Variants in ARHGAP6 observed in about 807,000 individuals in gnomAD.
The protein encoded by ARHGAP6 is rho GTPase-activating protein 6.
A neutral mutation model predicts 55.7 loss-of-function variants in ARHGAP6; 16 were observed. The observed-to-expected ratio is 0.29, with a 90% CI of 0.19 to 0.44. The LOEUF is 0.44. Ranked by LOEUF, ARHGAP6 falls within the 20% of genes least tolerant of loss-of-function variation. The pLI is 1.00. For synonymous variants in ARHGAP6, 382 were observed against 360.9 expected (o/e 1.06, Z -0.66); for missense variants, 698 against 808.9 (o/e 0.86, Z 1.66).
At chrX:11,428,346 C>A (rs112910357) in intron 1 of ARHGAP6, among the ~76,000 whole-genome samples, 1 of 111,621 alleles carries the variant, frequency 9.0e-6, no homozygotes, top group East Asian at 2.8e-4. Context: ...TAGGGTGACC[C>A]GAGTTCCAGG....
intron 1 of ARHGAP6, chrX:11,335,239 T>C (rs2048616698): frequency 1.6e-5 from 2 of 127,243 alleles, no homozygotes; most frequent in Non-Finnish European, 3.4e-5. Flanking sequence ...TTTTTTATTA[T>C]ATTTTAAGTT....
rs1228659283 is a variant in ARHGAP6, at chrX:11,303,059, C to G, written c.589-48352G>C. On this transcript the variant is annotated intron_variant, in intron 1 of 12. Transcript: ENST00000337414. Reference sequence around the variant, plus strand: ...TTGGGAAAAAATAACCCAAGAGATCCTAGTATGAACAGCTTAACATGAGAC... The same window carrying G: ...TTGGGAAAAAATAACCCAAGAGATCGTAGTATGAACAGCTTAACATGAGAC... 2.7e-5 allele frequency among the ~76,000 whole-genome samples: 3 copies of G among 112,367 alleles called. No individual in the cohort carries two copies. In the East Asian group the frequency reaches 8.4e-4, roughly 31 times the overall value.
At chrX:11,464,812 G>T (rs1445756685) in intron 1 of ARHGAP6, among the ~76,000 whole-genome samples, 1 of 111,656 alleles carries the variant, frequency 9.0e-6, no homozygotes, top group African/African-American at 3.3e-5. Context: ...TAAATACCTG[G>T]CCCTAAAGTA....
rs2045866062 is a variant in ARHGAP6 at position 11,156,578 on chromosome X, C to T, written c.1858G>A (p.Asp620Asn). 4 of 1,211,371 alleles carry T rather than the reference C, an allele frequency of 3.3e-6. No individual in the cohort carries two copies. The highest frequency in any genetic ancestry group is 4.5e-6 in the Non-Finnish European group (4 of 895,210). The change falls in exon 10 of 13, where the codon GAT becomes AAT. Residue 620 changes from aspartate (D) to asparagine (N), a missense_variant. Physicochemically the swap from Asp to Asn is conservative, Grantham distance 23. Coordinates refer to ENST00000337414, the MANE Select transcript of ARHGAP6 (RefSeq NM_013427.3). Reference sequence around the variant, plus strand: ...AGTAAATAGTCCACGACATCAGGATCGGTCTCTAACAGGCTGATCAGCACT... The same window carrying T: ...AGTAAATAGTCCACGACATCAGGATTGGTCTCTAACAGGCTGATCAGCACT... ...NEVLISLLET[D>N]PDVVDYLLRR...
chrX:11,162,410 T>C (rs768848251), intron 9 of ARHGAP6, among the ~76,000 whole-genome samples: 3 of 103,812 alleles, frequency 2.9e-5, no homozygotes, highest in Non-Finnish European at 5.9e-5. Flanking sequence ...ATTGTTCTCC[T>C]TGCCAGTCAA....
At chrX:11,428,141 G>A (rs1260280324) in intron 1 of ARHGAP6, among the ~76,000 whole-genome samples, 20 of 112,762 alleles carry the variant, frequency 1.8e-4, no homozygotes, top group Non-Finnish European at 1.3e-4. Flanking sequence ...TAACTTTGAA[G>A]GAGGTGTGGG....
chrX:11,248,894 T>C (rs781335878), intron 2 of ARHGAP6, among the ~76,000 whole-genome samples: 1 of 111,794 alleles, frequency 8.9e-6, no homozygotes, highest in East Asian at 2.8e-4. Flanking sequence ...AACTTCCATT[T>C]GACCCAGTAA....
At chrX:11,567,116 A>T (rs780337795) in intron 1 of ARHGAP6, among the ~76,000 whole-genome samples, 1 of 112,046 alleles carries the variant, frequency 8.9e-6, no homozygotes, top group African/African-American at 3.2e-5. Context: ...ACAGCATTTC[A>T]TGAACAAGCC....
At chrX:11,417,059 C>CATATATATATATATATAT (rs768174897) in intron 1 of ARHGAP6, among the ~76,000 whole-genome samples, 2 of 33,379 alleles carry the variant, frequency 6.0e-5, no homozygotes, top group Non-Finnish European at 1.0e-4. Flanking sequence ...TGGGTGTGTA[C>CATATATATATATATATAT]ATATATATAT....
At chrX:11,546,906 G>A (rs1569393002) in intron 1 of ARHGAP6, among the ~76,000 whole-genome samples, 1 of 111,996 alleles carries the variant, frequency 8.9e-6, no homozygotes, top group Non-Finnish European at 1.9e-5. Flanking sequence ...TACCAAATGA[G>A]ACAGTAAATA....
chrX:11,288,494 A>C (rs2047948922), intron 1 of ARHGAP6, among the ~76,000 whole-genome samples: 1 of 112,230 alleles, frequency 8.9e-6, no homozygotes, highest in African/African-American at 3.2e-5. Flanking sequence ...TGTCCTTTTA[A>C]AAATTAAGAT....
intron 1 of ARHGAP6, among the ~76,000 whole-genome samples, chrX:11,317,310 A>C (rs2068469079): frequency 8.9e-6 from 1 of 112,258 alleles, no homozygotes; most frequent in South Asian, 3.7e-4. Context: ...GCTTTTACTC[A>C]CTTGATGCCA....
chrX:11,181,968 TAATC>T, intron 6 of ARHGAP6, 91 bp downstream of exon 6: 1 of 648,826 alleles, frequency 1.5e-6, no homozygotes, highest in Non-Finnish European at 2.3e-6. Flanking sequence ...AAAAAAAAGA[TAATC>T]AAAATGGAAT....
At chrX:11,191,169 G>A (rs193141447) in intron 3 of ARHGAP6, among the ~76,000 whole-genome samples, 37 of 112,732 alleles carry the variant, frequency 3.3e-4, no homozygotes, top group Admixed American at 1.6e-3. Flanking sequence ...TTGTGGATAC[G>A]GCTGGGGCTT....
intron 1 of ARHGAP6, among the ~76,000 whole-genome samples, chrX:11,622,970 T>C (rs1165682054): frequency 1.8e-5 from 2 of 111,979 alleles, no homozygotes; most frequent in Non-Finnish European, 3.8e-5. Flanking sequence ...CCTTTACCAT[T>C]TGCTGATAAA....
intron 1 of ARHGAP6, among the ~76,000 whole-genome samples, chrX:11,487,214 GC>G (rs751874353): frequency 8.9e-6 from 1 of 112,156 alleles, no homozygotes; most frequent in Admixed American, 9.4e-5. Flanking sequence ...TACATAGATT[GC>G]CCTGGATCTC....
chrX:11,476,215 T>C (rs2050402211), intron 1 of ARHGAP6, among the ~76,000 whole-genome samples: 2 of 110,885 alleles, frequency 1.8e-5, no homozygotes, highest in Non-Finnish European at 3.8e-5. Flanking sequence ...GGATGCAAGG[T>C]TAATATCCAA....
At chrX:11,253,182 G>A (rs1163377738) in intron 2 of ARHGAP6, among the ~76,000 whole-genome samples, 2 of 110,970 alleles carry the variant, frequency 1.8e-5, no homozygotes, top group East Asian at 2.8e-4. Context: ...CTAGATGCTA[G>A]GAGCATCCAT....
At chrX:11,306,977 C>T (rs2048244410) in intron 1 of ARHGAP6, among the ~76,000 whole-genome samples, 1 of 111,633 alleles carries the variant, frequency 9.0e-6, no homozygotes, top group Non-Finnish European at 1.9e-5. Flanking sequence ...ACAACATTGC[C>T]ATGGCAACCA....
Sources: gnomAD v4.1 joint callset for allele counts (sites outside exome capture counted in the v4.1 genomes callset) on GRCh38, gnomAD v4.1.1 for gene constraint, MANE v1.5 for transcripts, NCBI Gene and HGNC (gene_info 2026-07-23, HGNC 2026-07-21) for gene names.